NBAS: variants seen among roughly 807,000 people sequenced by gnomAD.
NBAS encodes NBAS subunit of NRZ tethering complex.
NBAS carries 219 observed loss-of-function variants against 302.5 expected under a neutral mutation model. The observed-to-expected ratio is 0.72, with a 90% CI of 0.65 to 0.81. The LOEUF (loss-of-function observed/expected upper bound fraction) is 0.81, where lower values mean the gene tolerates loss of function less well. Ranked by LOEUF, NBAS falls within the 30% of genes least tolerant of loss-of-function variation. NBAS has a pLI of 0.00. For missense variants in NBAS, 2,932 were observed against 2,841.6 expected (o/e 1.03, Z -0.72); for synonymous variants, 1,118 against 1,021.6 (o/e 1.09, Z -1.80).
intron 28 of NBAS, among the ~76,000 whole-genome samples, chr2:15,386,327 T>C (rs1369842991): frequency 2.0e-5 from 3 of 152,322 alleles, no homozygotes; most frequent in Admixed American, 1.3e-4. Context: ...TCTTAAAAGA[T>C]AGGAAGGAAT....
At chr2:15,415,266 A>G (rs1228598925) in intron 25 of NBAS, among the ~76,000 whole-genome samples, 2 of 152,238 alleles carry the variant, frequency 1.3e-5, no homozygotes, top group Non-Finnish European at 2.9e-5. Flanking sequence ...CATGTATAGA[A>G]GAATTCAATA....
chr2:15,148,398 T>G, the NBAS span, among the ~76,000 whole-genome samples: 1 of 152,098 alleles, frequency 6.6e-6, no homozygotes, highest in African/African-American at 2.4e-5. Flanking sequence ...GAGCAGGGCC[T>G]GAAACTCAGT....
rs72776677 is a variant in NBAS at position 15,360,798 on chromosome 2, G to C, written c.3818-4382C>G. Among the ~76,000 whole-genome samples, 1,435 of 151,934 alleles carry C rather than the reference G, an allele frequency of 9.4e-3. 9 individuals carry two copies. The highest frequency in any genetic ancestry group is 0.017 in the Middle Eastern group (5 of 292). ...CCTATTGTCCCACTGGAAGGCCTTC[G>C]GGCCATAACACATGGAGCTATCATC... On this transcript the variant is annotated intron_variant, in intron 32 of 51. Coordinates refer to ENST00000281513, the MANE Select transcript of NBAS (RefSeq NM_015909.4).
chr2:14,832,233 G>A, the NBAS span, among the ~76,000 whole-genome samples: 1 of 152,158 alleles, frequency 6.6e-6, no homozygotes, highest in Admixed American at 6.6e-5. Flanking sequence ...CAGAGAAGGA[G>A]CACCTGGCTA....
chr2:15,062,341 A>T, the NBAS span, among the ~76,000 whole-genome samples: 1 of 152,222 alleles, frequency 6.6e-6, no homozygotes, highest in Non-Finnish European at 1.5e-5. Context: ...TAGTCGGTCA[A>T]GCTGCACAGA....
chr2:14,930,285 G>GA, the NBAS span, among the ~76,000 whole-genome samples: 1 of 152,070 alleles, frequency 6.6e-6, no homozygotes, highest in African/African-American at 2.4e-5. Flanking sequence ...GTAAAATAGA[G>GA]AAAAAATGAA....
rs1437507851 is a variant in NBAS at position 15,238,455 on chromosome 2, C to T, written c.5943+13G>A. Reference sequence around the variant, plus strand: ...GATACAGAGTGAGCATATAGAAGTTCCCATTTCTTTACCTGCTCACTATTC... The same window carrying T: ...GATACAGAGTGAGCATATAGAAGTTTCCATTTCTTTACCTGCTCACTATTC... On this transcript the variant is annotated intron_variant, in intron 45 of 51. Coordinates refer to ENST00000281513, the MANE Select transcript of NBAS (RefSeq NM_015909.4). The T allele has an allele frequency of 6.2e-7, 1 of 1,610,400 alleles. No individual in the cohort carries two copies. Among genetic ancestry groups the T allele is most frequent in the Non-Finnish European group, 8.5e-7 (1 of 1,176,744 alleles).
At chr2:15,374,804 T>G in intron 30 of NBAS, 84 bp from the exon 31 acceptor site, 1 of 1,171,940 alleles carries the variant, frequency 8.5e-7, no homozygotes. Context: ...TAACACATAT[T>G]TATCAAAAAT....
rs187186487 is a variant in NBAS at position 15,461,308 on chromosome 2, C to A, written c.2232G>T (p.Leu744=). ...QESNVQALEI[L]FTYHGSDLLP... ...GCAGGTCGGAACCATGGTAAGTAAA[C>A]AGAATTTCCAGGGCTTGTACATTAC... The change falls in exon 21 of 52, where the codon CTG becomes CTT. Residue 744 remains leucine, a synonymous_variant. Coordinates refer to ENST00000281513, the MANE Select transcript of NBAS (RefSeq NM_015909.4). 2.6e-5 allele frequency: 42 copies of A among 1,613,104 alleles called. No homozygotes were observed. The East Asian group carries it at 8.9e-4, about 34-fold the overall frequency.
At chr2:15,341,572 T>C (rs550276846) in intron 35 of NBAS, among the ~76,000 whole-genome samples, 17 of 152,178 alleles carry the variant, frequency 1.1e-4, no homozygotes, top group Non-Finnish European at 1.9e-4. Context: ...AACAAAAATG[T>C]ATTGCTTATT....
the NBAS span, among the ~76,000 whole-genome samples, chr2:14,891,503 T>G: frequency 6.6e-6 from 1 of 152,312 alleles, no homozygotes; most frequent in Non-Finnish European, 1.5e-5. Flanking sequence ...ATCACTTACT[T>G]ATTTATTATA....
chr2:15,089,192 G>A, the NBAS span, among the ~76,000 whole-genome samples: 1 of 152,062 alleles, frequency 6.6e-6, no homozygotes, highest in Non-Finnish European at 1.5e-5. Context: ...ATGTTGCCCA[G>A]GCTGGTCATG....
the NBAS span, among the ~76,000 whole-genome samples, chr2:15,115,227 C>A: frequency 2.0e-5 from 3 of 152,144 alleles, no homozygotes; most frequent in Non-Finnish European, 4.4e-5. Context: ...AGAGACGCTG[C>A]ATCTAAATCC....
At chr2:15,277,401 G>C (rs961539764) in intron 42 of NBAS, among the ~76,000 whole-genome samples, 4 of 152,120 alleles carry the variant, frequency 2.6e-5, no homozygotes, top group African/African-American at 9.7e-5. Flanking sequence ...ATGTCTCCCA[G>C]CTAGAAAATA....
At chr2:14,810,147 T>C in the NBAS span, among the ~76,000 whole-genome samples, 5 of 152,300 alleles carry the variant, frequency 3.3e-5, no homozygotes, top group African/African-American at 9.6e-5. Flanking sequence ...GACTGTGGAC[T>C]CTTGAGTTAA....
chr2:15,463,417 G>A (rs777991284), intron 19 of NBAS, among the ~76,000 whole-genome samples: 37 of 151,966 alleles, frequency 2.4e-4, no homozygotes, highest in South Asian at 4.1e-4. Flanking sequence ...GTCTAACCCC[G>A]ACTCTGTGAT....
At chr2:15,230,975 C>T (rs1667359201) in intron 47 of NBAS, among the ~76,000 whole-genome samples, 1 of 152,206 alleles carries the variant, frequency 6.6e-6, no homozygotes, top group Non-Finnish European at 1.5e-5. Context: ...CTCTGTGTCA[C>T]CCCTTGTGTA....
the NBAS span, among the ~76,000 whole-genome samples, chr2:14,807,590 G>A: frequency 6.6e-6 from 1 of 152,022 alleles, no homozygotes; most frequent in South Asian, 2.1e-4. Flanking sequence ...GGAAGAAAAT[G>A]AACATCTACA....
At chr2:14,798,995 T>G in the NBAS span, among the ~76,000 whole-genome samples, 1 of 152,130 alleles carries the variant, frequency 6.6e-6, no homozygotes, top group Non-Finnish European at 1.5e-5. Flanking sequence ...TGTAATATGC[T>G]CAGAGAGAAT....
Sources: gnomAD v4.1 joint callset for allele counts (sites outside exome capture counted in the v4.1 genomes callset) on GRCh38, gnomAD v4.1.1 for gene constraint, MANE v1.5 for transcripts, NCBI Gene and HGNC (gene_info 2026-07-23, HGNC 2026-07-21) for gene names.